Variants in DZANK1 observed in about 807,000 individuals in gnomAD.
The protein encoded by DZANK1 is double zinc ribbon and ankyrin repeat domains 1, also known as double zinc ribbon and ankyrin repeat-containing protein 1.
In DZANK1, 91 loss-of-function variants were observed where a neutral mutation model predicts 94.5. The ratio of observed to expected loss-of-function variants is 0.96; its 90% CI spans 0.81 to 1.15. The LOEUF is 1.15. DZANK1 is among the 50% of genes most tolerant of loss of function. DZANK1 has a pLI of 0.00. For synonymous variants in DZANK1, 312 were observed against 325.3 expected (o/e 0.96, Z 0.44); for missense variants, 903 against 916.4 (o/e 0.99, Z 0.19).
At chr20:18,453,913 G>A (rs758522041) in intron 4 of DZANK1, 86 bp from the exon 5 acceptor site, 2 of 897,878 alleles carry the variant, frequency 2.2e-6, no homozygotes, top group East Asian at 2.4e-5. Context: ...GTCATGGTGT[G>A]CATTTCTTAT....
At chr20:18,452,171 G>A (rs974275395) in intron 6 of DZANK1, among the ~76,000 whole-genome samples, 4 of 151,856 alleles carry the variant, frequency 2.6e-5, no homozygotes, top group Admixed American at 2.6e-4. Context: ...CTCTTCAGGT[G>A]ATTCTAACGT....
rs747174497 is a variant in DZANK1, at chr20:18,412,651, C to T, written c.1427G>A (p.Gly476Glu). 5 of 1,612,668 alleles carry T rather than the reference C, an allele frequency of 3.1e-6. No homozygotes were observed. The South Asian group carries it at 4.4e-5, about 14-fold the overall frequency. The change falls in exon 13 of 21, where the codon GGA becomes GAA. Residue 476 changes from glycine to glutamate, a missense_variant. Transcript: ENST00000262547. ...AAGGGCATCCTCCCCCTTACCTCTT[C>T]CTGGGCTGATGGCTGTCAGGAGGGG...
intron 13 of DZANK1, among the ~76,000 whole-genome samples, chr20:18,404,194 T>G (rs2056837276): frequency 6.6e-6 from 1 of 152,102 alleles, no homozygotes; most frequent in Non-Finnish European, 1.5e-5. Context: ...AGACAATTCT[T>G]CTAGTGCGGC....
At chr20:18,428,648 C>T (rs1019024714) in intron 9 of DZANK1, 1 of 152,184 alleles carries the variant, frequency 6.6e-6, no homozygotes, top group Non-Finnish European at 1.5e-5. Context: ...CAATCTTTTT[C>T]CATTGATAAT....
chr20:18,458,209 C>A (rs1251105627), intron 3 of DZANK1, among the ~76,000 whole-genome samples: 1 of 152,230 alleles, frequency 6.6e-6, no homozygotes, highest in Non-Finnish European at 1.5e-5. Context: ...ACATGCTCAA[C>A]TTTTATATTT....
At chr20:18,427,124 A>G in exon 10 of DZANK1, 1 of 1,613,208 alleles carries the variant, frequency 6.2e-7, no homozygotes, top group Non-Finnish European at 8.5e-7. Context: ...GGTGAGCAGG[A>G]TTTCCTGTAC....
exon 21 of DZANK1, chr20:18,384,420 G>A (rs1287003779): frequency 6.2e-7 from 1 of 1,611,524 alleles, no homozygotes; most frequent in Admixed American, 1.7e-5. Context: ...CCAGGCTGAG[G>A]CTCCTAGTTT....
intron 16 of DZANK1, 77 bp from the exon 17 acceptor site, chr20:18,393,888 C>A: frequency 1.0e-6 from 1 of 997,026 alleles, no homozygotes; most frequent in Non-Finnish European, 1.5e-6. Flanking sequence ...CTTACTTCCA[C>A]GTCCCTCAAA....
rs79782069 is a variant in DZANK1 at position 18,418,866 on chromosome 20, T to C, written c.955-3417A>G. Among the ~76,000 whole-genome samples the C allele has an allele frequency of 3.5e-3, 529 of 152,340 alleles. 3 individuals carry two copies. Among genetic ancestry groups the C allele is most frequent in the African/African-American group, 0.012 (496 of 41,574 alleles). ...ATAATATTTAAAATAAAATATTTAC[T>C]AGACGGACTGAATAGCTAAAGGAGA... is the stretch of plus-strand genomic sequence containing the variant. On this transcript the variant is annotated intron_variant, in intron 10 of 20. Transcript: ENST00000262547.
chr20:18,427,638 T>C (rs1402941210), intron 9 of DZANK1, among the ~76,000 whole-genome samples: 1 of 151,238 alleles, frequency 6.6e-6, no homozygotes, highest in Non-Finnish European at 1.5e-5. Context: ...TGTGTGTGTG[T>C]TTCTCCAGTG....
chr20:18,449,071 T>TA lies in DZANK1; in HGVS notation c.544-3dup. Reference sequence around the variant, plus strand: ...GCTTACGTGTGCAAAACCGGGGGACTAAAATTAAGAATATAGGTATAAAGA... The same window carrying TA: ...GCTTACGTGTGCAAAACCGGGGGACTAAAAATTAAGAATATAGGTATAAAGA... On this transcript the variant is annotated splice_polypyrimidine_tract_variant and splice_region_variant and intron_variant, in intron 6 of 20. Coordinates refer to ENST00000262547, the Ensembl canonical transcript of DZANK1. The TA allele has an allele frequency of 6.2e-7, 1 of 1,612,586 alleles. No homozygotes were observed. Among genetic ancestry groups the TA allele is most frequent in the African/African-American group, 1.3e-5 (1 of 74,978 alleles).
At chr20:18,435,155 T>C (rs73123120) in intron 8 of DZANK1, among the ~76,000 whole-genome samples, 5,599 of 152,276 alleles carry the variant, frequency 0.037, 132 homozygotes, top group South Asian at 0.098. Context: ...TGAGTTTCAA[T>C]GTTACCCAGC....
intron 8 of DZANK1, among the ~76,000 whole-genome samples, chr20:18,437,573 A>C (rs2058570005): frequency 6.6e-6 from 1 of 151,956 alleles, no homozygotes; most frequent in Non-Finnish European, 1.5e-5. Flanking sequence ...ACAGAGGGAG[A>C]CTCTGTCTCA....
intron 2 of DZANK1, among the ~76,000 whole-genome samples, chr20:18,460,978 T>C (rs1371354356): frequency 1.3e-5 from 2 of 152,168 alleles, no homozygotes; most frequent in African/African-American, 4.8e-5. Context: ...TGCTAAATAA[T>C]AGAGGAGTTG....
chr20:18,432,327 C>G (rs1412236144), intron 9 of DZANK1, among the ~76,000 whole-genome samples: 5 of 152,094 alleles, frequency 3.3e-5, no homozygotes, highest in Admixed American at 3.3e-4. Flanking sequence ...ACAGAACACC[C>G]AAAATAACAC....
intron 6 of DZANK1, 131 bp from the exon 7 acceptor site, chr20:18,449,200 A>G (rs909349337): frequency 1.8e-5 from 13 of 707,264 alleles, no homozygotes; most frequent in Non-Finnish European, 3.0e-5. Context: ...GAGGAATAAT[A>G]GACACTATAG....
intron 10 of DZANK1, among the ~76,000 whole-genome samples, chr20:18,419,483 C>T (rs2057667335): frequency 6.6e-6 from 1 of 152,124 alleles, no homozygotes; most frequent in African/African-American, 2.4e-5. Context: ...CACTAAAGCA[C>T]ATTATAGCCA....
intron 3 of DZANK1, 149 bp from the exon 4 acceptor site, chr20:18,455,510 G>T: frequency 1.5e-6 from 1 of 666,810 alleles, no homozygotes. Context: ...AATTTCTATA[G>T]TCTTTCCTGA....
At chr20:18,452,054 A>G in intron 6 of DZANK1, 1 of 366,728 alleles carries the variant, frequency 2.7e-6, no homozygotes, top group South Asian at 2.1e-5. Context: ...CCTGACCGTT[A>G]GAATCATTTA....
Sources: gnomAD v4.1 joint callset for allele counts (sites outside exome capture counted in the v4.1 genomes callset) on GRCh38, gnomAD v4.1.1 for gene constraint, MANE v1.5 for transcripts, NCBI Gene and HGNC (gene_info 2026-07-23, HGNC 2026-07-21) for gene names.